The following SCRIB variants were observed in gnomAD, a reference collection of about 807,000 sequenced individuals.
The protein encoded by SCRIB is protein scribble homolog.
SCRIB carries 72 observed loss-of-function variants against 170.0 expected under a neutral mutation model. The observed-to-expected ratio is 0.42, with a 90% CI of 0.35 to 0.52. The LOEUF (loss-of-function observed/expected upper bound fraction) is 0.52, where lower values mean the gene tolerates loss of function less well. Ranked by LOEUF, SCRIB falls within the 20% of genes least tolerant of loss-of-function variation. SCRIB has a pLI of 0.02. For synonymous variants in SCRIB, 1,298 were observed against 1,044.3 expected (o/e 1.24, Z -4.68); for missense variants, 2,475 against 2,338.5 (o/e 1.06, Z -1.20).
chr8:143,801,444 G>C (rs572882044), intron 24 of SCRIB, among the ~76,000 whole-genome samples: 1 of 152,322 alleles, frequency 6.6e-6, no homozygotes, highest in East Asian at 1.9e-4. Context: ...TTGCAGTAGG[G>C]AAGATCTTCC....
intron 21 of SCRIB, 90 bp downstream of exon 21, chr8:143,804,478 G>T: frequency 7.4e-7 from 1 of 1,350,520 alleles, no homozygotes; most frequent in East Asian, 2.6e-5. Flanking sequence ...ACCTGGAGTG[G>T]GCCGCAAGGC....
At position 143,815,772 on chromosome 8, in the gene SCRIB, C is replaced by T. The variant is rs906389759; in HGVS notation, c.-400G>A. The T allele has an allele frequency of 1.0e-6, 1 of 983,728 alleles. No individual in the cohort carries two copies. Among genetic ancestry groups the T allele is most frequent in the African/African-American group, 1.8e-5 (1 of 57,024 alleles). 60.9% of individuals were successfully genotyped at this position (983,728 alleles called of 1,614,324 possible). A position where few individuals can be genotyped will look rare whatever the true frequency, so the allele number is the denominator to read the frequency against. On this transcript the variant is annotated 5_prime_UTR_variant, in exon 1 of 37. Coordinates refer to ENST00000356994, the MANE Select transcript of SCRIB (RefSeq NM_182706.5). Reference sequence around the variant, plus strand: ...CGCGCAGCCCGTCGGGAAGCCGAGTCCGGCCCTCGCCGCCTAGCACGCCCG... The same window carrying T: ...CGCGCAGCCCGTCGGGAAGCCGAGTTCGGCCCTCGCCGCCTAGCACGCCCG...
At position 143,808,904 on chromosome 8, in the gene SCRIB, G is replaced by A; in HGVS notation, c.1820C>T (p.Thr607Ile). The A allele has an allele frequency of 1.2e-6, 2 of 1,610,500 alleles. No homozygotes were observed. The highest frequency in any genetic ancestry group is 2.2e-5 in the East Asian group (1 of 44,876). ...GGRQRLIRKD[T>I]PHYKKHFKIS... is the part of the protein sequence containing the mutation. The stretch of plus-strand genomic sequence containing the variant: ...CTTGAAGTGCTTTTTGTAGTGAGGT[G>A]TGTCCTTGCGGATGAGCCGCTGCCT... The change falls in exon 15 of 37, where the codon ACA becomes ATA. Residue 607 changes from threonine to isoleucine, a missense_variant. Thr to Ile is a moderately conservative substitution (Grantham distance 89). Transcript: ENST00000356994.
rs200783841 is a variant in SCRIB at position 143,791,304 on chromosome 8, C to T, written c.4827G>A (p.Pro1609=). ...RSLEPSPSPG[P]QEEDGEVALV... is the part of the protein sequence containing the mutation. ...GAGCCACTTCTCCATCCTCCTCCTG[C>T]GGGCCTGGAGGGCAGGGACAGGTGG... Residue 1609 remains proline (P), a synonymous_variant, in exon 37 of 37, where the codon CCG becomes CCA. Transcript: ENST00000356994. 2.6e-5 allele frequency: 41 copies of T among 1,565,214 alleles called. No individual in the cohort carries two copies. Among genetic ancestry groups the T allele is most frequent in the East Asian group, 1.2e-4 (5 of 43,070 alleles).
At chr8:143,802,576 G>A (rs1815219136) in intron 24 of SCRIB, among the ~76,000 whole-genome samples, 1 of 152,256 alleles carries the variant, frequency 6.6e-6, no homozygotes, top group African/African-American at 2.4e-5. Flanking sequence ...TGGCCCTCCC[G>A]GGACCCACCC....
At chr8:143,796,184 G>C (rs9644252) in intron 24 of SCRIB, among the ~76,000 whole-genome samples, 3,521 of 152,238 alleles carry the variant, frequency 0.023, 44 homozygotes, top group African/African-American at 0.039. Flanking sequence ...CTTGAATCCC[G>C]AGCCTGGGGT....
chr8:143,813,603 A>T (rs765921954), intron 4 of SCRIB, 34 bp downstream of exon 4: 1 of 1,611,830 alleles, frequency 6.2e-7, no homozygotes, highest in Non-Finnish European at 8.5e-7. Context: ...CTGGTCCCCC[A>T]CCCCACCCTA....
chr8:143,795,191 CCTGGGGGTT>C, intron 26 of SCRIB, 77 bp downstream of exon 26: 1 of 1,595,520 alleles, frequency 6.3e-7, no homozygotes, highest in Non-Finnish European at 8.6e-7. Flanking sequence ...GAGAGGGGGT[CCTGGGGGTT>C]ACTACCCAGC....
rs1198614896 is a variant in SCRIB at position 143,810,496 on chromosome 8, G to A, written c.1513C>T (p.Pro505Ser). 6 of 1,610,110 alleles carry A rather than the reference G, an allele frequency of 3.7e-6. No homozygotes were observed. The highest frequency in any genetic ancestry group is 5.1e-6 in the Non-Finnish European group (6 of 1,179,880). ...ATGCCCACCTCCTCTGCAGGCAAGGGCGACCCAGAGTCTGGCTGGCAAGGG... is the reference window on the plus strand; with the variant it reads ...ATGCCCACCTCCTCTGCAGGCAAGGACGACCCAGAGTCTGGCTGGCAAGGG... ...ACPCQPDSGS[P>S]LPAEEEKRLS... The change falls in exon 13 of 37, where the codon CCC becomes TCC. Residue 505 changes from proline (P) to serine (S), a missense_variant. Coordinates refer to ENST00000356994, the MANE Select transcript of SCRIB (RefSeq NM_182706.5).
chr8:143,799,863 G>C (rs1282679789), intron 24 of SCRIB, among the ~76,000 whole-genome samples: 1 of 152,014 alleles, frequency 6.6e-6, no homozygotes, highest in African/African-American at 2.4e-5. Context: ...CAGAGTGCTA[G>C]GGACATGCAG....
At chr8:143,793,665 T>C in intron 28 of SCRIB, 2 of 509,712 alleles carry the variant, frequency 3.9e-6, no homozygotes, top group South Asian at 3.1e-5. Flanking sequence ...CTTGAGCCCC[T>C]CCAGGAACAG....
Position 143,792,997 on chromosome 8 carries a change from C to A in SCRIB, c.3996G>T (p.Pro1332=). The A allele has an allele frequency of 6.6e-7, 1 of 1,511,284 alleles. No individual in the cohort carries two copies. The highest frequency in any genetic ancestry group is 8.9e-7 in the Non-Finnish European group (1 of 1,128,058). The allele number at this position is 1,511,284 out of a possible 1,614,324, so 93.6% of individuals were successfully genotyped here. Residue 1332 remains proline (P), a synonymous_variant, in exon 29 of 37, where the codon CCG becomes CCT. Transcript: ENST00000356994. Reference sequence around the variant, plus strand: ...ACACCTGGGCAGGGGCATCCTCAGGCGGGTGAGAAGTGGGCACGGCCGCGA... The same window carrying A: ...ACACCTGGGCAGGGGCATCCTCAGGAGGGTGAGAAGTGGGCACGGCCGCGA... ...RAFAAVPTSH[P]PEDAPAQPPT... is the part of the protein sequence containing the mutation.
Position 143,804,099 on chromosome 8 carries a change from C to A in SCRIB, c.3067G>T (p.Asp1023Tyr). The A allele has an allele frequency of 6.2e-7, 1 of 1,612,802 alleles. No homozygotes were observed. The highest frequency in any genetic ancestry group is 8.5e-7 in the Non-Finnish European group (1 of 1,179,450). Residue 1023 changes from aspartate (D) to tyrosine (Y), a missense_variant, in exon 22 of 37, where the codon GAC becomes TAC. Asp to Tyr is a radical substitution (Grantham distance 160). This residue lies in a region of SCRIB where 1,966 missense variants were observed against 1,742.9 expected (regional missense o/e 1.13). Coordinates refer to ENST00000356994, the MANE Select transcript of SCRIB (RefSeq NM_182706.5). ...ACACCAAACGGGTGGCTGGAATGGT[C>A]GGAGCCTCCGACAATACTAAGCCCC... ...PLGLSIVGGSDHSSHPFGVQE... is the reference protein window; with the variant it reads ...PLGLSIVGGSYHSSHPFGVQE...
chr8:143,814,238 C>A, intron 1 of SCRIB, 120 bp from the exon 2 acceptor site: 2 of 817,424 alleles, frequency 2.4e-6, no homozygotes, highest in Non-Finnish European at 3.9e-6. Flanking sequence ...CCAGGTCACA[C>A]CGGGTCCTGG....
In SCRIB at chr8:143,803,901, C is replaced by T. The variant is rs1363376018; in HGVS notation, c.3160G>A (p.Val1054Ile). Residue 1054 changes from valine to isoleucine, a missense_variant, in exon 23 of 37, where the codon GTT (valine) becomes ATT (isoleucine). Val to Ile is a conservative substitution (Grantham distance 29). This residue lies in a region of SCRIB where 1,966 missense variants were observed against 1,742.9 expected (regional missense o/e 1.13). Transcript: ENST00000356994. The stretch of plus-strand genomic sequence containing the variant: ...TTCACTGCCAGGATGCGGTCCCCAA[C>T]CCGCAGGCCGCTGCGAGCGGCCAGG... ...RGLAARSGLR[V>I]GDRILAVNGQ... is the part of the protein sequence containing the mutation. The T allele has an allele frequency of 6.3e-7, 1 of 1,591,714 alleles. No homozygotes were observed. The highest frequency in any genetic ancestry group is 8.6e-7 in the Non-Finnish European group (1 of 1,169,134).
At position 143,804,450 on chromosome 8, in the gene SCRIB, C is replaced by A. The variant is rs566154940; in HGVS notation, c.3009+118G>T. The stretch of plus-strand genomic sequence containing the variant: ...CCTCAAGGAGCTGCAGGGGAAAGGG[C>A]GAGCAGGCCGGCTTCCCACCTGGAG... On this transcript the variant is annotated intron_variant, in intron 21 of 36. Coordinates refer to ENST00000356994, the MANE Select transcript of SCRIB (RefSeq NM_182706.5). The A allele has an allele frequency of 5.4e-6, 6 of 1,106,208 alleles. No individual in the cohort carries two copies. In the African/African-American group the frequency reaches 9.5e-5, roughly 17 times the overall value. 68.5% of individuals were successfully genotyped at this position (1,106,208 alleles called of 1,614,324 possible).
chr8:143,791,525 C>T, intron 35 of SCRIB, 85 bp from the exon 36 acceptor site: 2 of 1,586,808 alleles, frequency 1.3e-6, no homozygotes, highest in Non-Finnish European at 1.7e-6. Context: ...AGCCCTGAGG[C>T]CCACAGAGCC....
intron 9 of SCRIB, among the ~76,000 whole-genome samples, chr8:143,811,723 T>G (rs1815733090): frequency 6.6e-6 from 1 of 151,974 alleles, no homozygotes. Context: ...GCCTGCCTGC[T>G]CAGGGCCAGC....
intron 26 of SCRIB, 21 bp downstream of exon 26, chr8:143,795,256 G>A (rs1554633850): frequency 1.2e-6 from 2 of 1,612,352 alleles, no homozygotes; most frequent in Non-Finnish European, 1.7e-6. Flanking sequence ...TGATGTGAGG[G>A]GGTGGGGCGA....
Sources: gnomAD v4.1 joint callset for allele counts (sites outside exome capture counted in the v4.1 genomes callset) on GRCh38, gnomAD v4.1.1 for gene constraint, gnomAD v4.1.1 regional missense constraint, MANE v1.5 for transcripts, NCBI Gene and HGNC (gene_info 2026-07-23, HGNC 2026-07-21) for gene names.